Variants in RAD51B observed in about 807,000 individuals in gnomAD.
The protein encoded by RAD51B is DNA repair protein RAD51 homolog 2.
Under a neutral mutation model 42.2 loss-of-function variants are expected in RAD51B, and 38 were observed. The observed-to-expected ratio is 0.90, with a 90% CI of 0.70 to 1.18. The LOEUF is 1.18. Ranked by LOEUF, RAD51B falls within the 50% of genes most tolerant of loss-of-function variation. The pLI is 0.00. For missense variants in RAD51B, 373 were observed against 400.7 expected (o/e 0.93, Z 0.59); for synonymous variants, 154 against 145.2 (o/e 1.06, Z -0.43).
At chr14:68,076,676 A>AG (rs1237357763) in intron 7 of RAD51B, among the ~76,000 whole-genome samples, 4 of 152,226 alleles carry the variant, frequency 2.6e-5, no homozygotes, top group Non-Finnish European at 5.9e-5. Flanking sequence ...TTGAACTAAC[A>AG]CACCCAAGGA....
chr14:68,554,854 GT>G (rs3076489), intron 10 of RAD51B, among the ~76,000 whole-genome samples: 57,451 of 138,786 alleles, frequency 0.41, 12,050 homozygotes, highest in Non-Finnish European at 0.52. Context: ...AAATTAAAAA[GT>G]TTTTTTTTTT....
intron 7 of RAD51B, among the ~76,000 whole-genome samples, chr14:68,055,816 G>C (rs771305411): frequency 3.3e-5 from 5 of 152,186 alleles, no homozygotes; most frequent in Non-Finnish European, 5.9e-5. Flanking sequence ...GCTCTACACA[G>C]TGAGCAAAGA....
intron 4 of RAD51B, among the ~76,000 whole-genome samples, chr14:67,847,902 G>A (rs1205204572): frequency 2.6e-5 from 4 of 152,046 alleles, no homozygotes; most frequent in Non-Finnish European, 4.4e-5. Flanking sequence ...CCCCATTTTT[G>A]TGTGGTTGTC....
intron 8 of RAD51B, among the ~76,000 whole-genome samples, chr14:68,406,153 C>T (rs1417631321): frequency 6.6e-6 from 1 of 152,182 alleles, no homozygotes; most frequent in Non-Finnish European, 1.5e-5. Context: ...TTAAGTAACT[C>T]AGGCATGCTG....
chr14:67,909,048 G>A (rs2043877054), intron 7 of RAD51B, among the ~76,000 whole-genome samples: 1 of 152,118 alleles, frequency 6.6e-6, no homozygotes, highest in Admixed American at 6.5e-5. Flanking sequence ...TGGAATACAA[G>A]CTTGTGTATT....
At chr14:68,217,083 G>T (rs192765353) in intron 7 of RAD51B, among the ~76,000 whole-genome samples, 2 of 152,276 alleles carry the variant, frequency 1.3e-5, no homozygotes, top group East Asian at 3.9e-4. Flanking sequence ...CCCCTTCTCA[G>T]AACAGTCCTT....
chr14:68,663,754 C>T (rs1892981297), intron 11 of RAD51B, among the ~76,000 whole-genome samples: 1 of 152,096 alleles, frequency 6.6e-6, no homozygotes, highest in Non-Finnish European at 1.5e-5. Context: ...GTTAAAGGCA[C>T]GGAATTTGTG....
downstream of RAD51B, among the ~76,000 whole-genome samples, chr14:68,599,642 A>C (rs559986078): frequency 2.0e-5 from 3 of 152,232 alleles, no homozygotes; most frequent in Non-Finnish European, 4.4e-5. Flanking sequence ...CAATCAGCTC[A>C]GTGGAAATGT....
At chr14:68,572,336 G>A (rs550557341) in intron 10 of RAD51B, among the ~76,000 whole-genome samples, 70 of 152,340 alleles carry the variant, frequency 4.6e-4, no homozygotes, top group African/African-American at 1.3e-3. Context: ...CCTCCCAGAC[G>A]TCACACCTTG....
chr14:68,399,259 G>GTTTTTTT (rs397719053), intron 8 of RAD51B, among the ~76,000 whole-genome samples: 1 of 136,028 alleles, frequency 7.4e-6, no homozygotes, highest in African/African-American at 2.7e-5. Flanking sequence ...TTTTTTTTGT[G>GTTTTTTT]TTTTTTTTTT....
intron 7 of RAD51B, among the ~76,000 whole-genome samples, chr14:68,225,141 A>G (rs888403119): frequency 9.8e-5 from 15 of 152,354 alleles, no homozygotes; most frequent in Non-Finnish European, 2.1e-4. Context: ...AATTTTGCAA[A>G]CAGAAAACAC....
chr14:68,224,210 G>A (rs892931084), intron 7 of RAD51B, among the ~76,000 whole-genome samples: 2 of 152,164 alleles, frequency 1.3e-5, no homozygotes, highest in African/African-American at 4.8e-5. Context: ...TGTTTTGTTT[G>A]TTACTTGTTT....
intron 4 of RAD51B, among the ~76,000 whole-genome samples, chr14:67,836,872 T>A (rs1594976207): frequency 6.6e-6 from 1 of 152,214 alleles, no homozygotes; most frequent in East Asian, 1.9e-4. Flanking sequence ...ACAATGTTTA[T>A]CAATACACTC....
intron 10 of RAD51B, among the ~76,000 whole-genome samples, chr14:68,571,940 C>T (rs1889726636): frequency 6.6e-6 from 1 of 152,080 alleles, no homozygotes; most frequent in Admixed American, 6.5e-5. Flanking sequence ...CTACAAGAGG[C>T]GGCACAGAAA....
intron 7 of RAD51B, among the ~76,000 whole-genome samples, chr14:68,257,682 C>G (rs933717193): frequency 2.6e-5 from 4 of 152,060 alleles, no homozygotes; most frequent in African/African-American, 9.7e-5. Context: ...TTGAGAAATT[C>G]TTTAATTGAA....
intron 7 of RAD51B, among the ~76,000 whole-genome samples, chr14:67,966,016 G>A (rs978050262): frequency 2.0e-5 from 3 of 152,190 alleles, no homozygotes; most frequent in African/African-American, 7.2e-5. Flanking sequence ...AGTATTAAAT[G>A]AATGCCTCCT....
At chr14:68,163,457 C>T (rs2078686145) in intron 7 of RAD51B, among the ~76,000 whole-genome samples, 1 of 152,202 alleles carries the variant, frequency 6.6e-6, no homozygotes. Flanking sequence ...TCCCATCTCT[C>T]CTATCCCCCG....
At chr14:68,441,733 C>T (rs889379543) in intron 9 of RAD51B, among the ~76,000 whole-genome samples, 1 of 152,128 alleles carries the variant, frequency 6.6e-6, no homozygotes, top group Non-Finnish European at 1.5e-5. Flanking sequence ...CTCTGAGTCA[C>T]AGGTTCCCCT....
intron 7 of RAD51B, among the ~76,000 whole-genome samples, chr14:68,184,626 A>AAAC (rs1555370069): frequency 0.1 from 1,126 of 10,800 alleles, 23 homozygotes; most frequent in Non-Finnish European, 0.13. Flanking sequence ...AAAAAAAACC[A>AAAC]AAAAAAAAAA....
Sources: allele counts gnomAD v4.1 joint callset (sites outside exome capture counted in the v4.1 genomes callset), GRCh38; gene constraint gnomAD v4.1.1; transcripts MANE v1.5; gene names NCBI Gene and HGNC (gene_info 2026-07-23, HGNC 2026-07-21).